The following LRBA variants were observed in gnomAD, a reference collection of about 807,000 sequenced individuals.
LRBA encodes lipopolysaccharide-responsive and beige-like anchor protein.
A neutral mutation model predicts 330.0 loss-of-function variants in LRBA; 176 were observed. The observed-to-expected ratio is 0.53, with a 90% CI of 0.47 to 0.60. The LOEUF is 0.60. LRBA is among the 20% of genes least tolerant of loss of function. LRBA has a pLI of 0.00. For synonymous variants in LRBA, 1,230 were observed against 1,193.0 expected (o/e 1.03, Z -0.64); for missense variants, 3,259 against 3,444.8 (o/e 0.95, Z 1.35).
intron 35 of LRBA, among the ~76,000 whole-genome samples, chr4:150,752,246 A>C (rs10016890): frequency 0.37 from 55,969 of 151,878 alleles, 11,750 homozygotes; most frequent in Middle Eastern, 0.47. Context: ...TTATTGCCTA[A>C]CTCTCCATGT....
chr4:151,014,574 T>C lies in LRBA; in HGVS notation c.69A>G (p.Arg23=), dbSNP rs1579509027. ...CACCCCCTTCAGTAGGGGTTTCTTCTCTCCCTCCACCTCCCCCGTCATCAC... is the reference window on the plus strand; with the variant it reads ...CACCCCCTTCAGTAGGGGTTTCTTCCCTCCCTCCACCTCCCCCGTCATCAC... The part of the protein sequence containing the change: ...PTGDDGGGGG[R]EETPTEGGAL... Residue 23 remains arginine (R), a synonymous_variant, in exon 2 of 57, where the codon AGA becomes AGG. Coordinates refer to ENST00000651943, the MANE Select transcript of LRBA (RefSeq NM_001364905.1). 1 of 1,612,816 alleles carries C rather than the reference T, an allele frequency of 6.2e-7. No homozygotes were observed. The highest frequency in any genetic ancestry group is 1.1e-5 in the South Asian group (1 of 90,766).
intron 42 of LRBA, among the ~76,000 whole-genome samples, chr4:150,476,396 G>C (rs1756705942): frequency 6.6e-6 from 1 of 152,146 alleles, no homozygotes; most frequent in African/African-American, 2.4e-5. Context: ...ACATGGCAGA[G>C]ACATGGCAGA....
At chr4:150,965,820 A>G (rs1738818877) in intron 2 of LRBA, among the ~76,000 whole-genome samples, 1 of 151,932 alleles carries the variant, frequency 6.6e-6, no homozygotes. Context: ...TTGATGTTAC[A>G]GGTGTGAGCC....
chr4:150,503,901 C>A (rs1188714027), intron 40 of LRBA, among the ~76,000 whole-genome samples: 1 of 152,080 alleles, frequency 6.6e-6, no homozygotes, highest in Admixed American at 6.6e-5. Flanking sequence ...CCTTAAAGGA[C>A]CTGATGGAGC....
At chr4:151,005,747 G>A (rs2089269218) in intron 2 of LRBA, among the ~76,000 whole-genome samples, 1 of 151,662 alleles carries the variant, frequency 6.6e-6, no homozygotes, top group Non-Finnish European at 1.5e-5. Context: ...TGGGACTACA[G>A]GTGCCCGCCA....
intron 56 of LRBA, among the ~76,000 whole-genome samples, chr4:150,275,535 G>T (rs62344510): frequency 0.62 from 94,134 of 151,992 alleles, 29,868 homozygotes; most frequent in South Asian, 0.82. Flanking sequence ...GAAAACCCCA[G>T]CATCTCAGCC....
At chr4:150,283,236 C>T (rs1747765005) in intron 54 of LRBA, among the ~76,000 whole-genome samples, 1 of 151,664 alleles carries the variant, frequency 6.6e-6, no homozygotes, top group African/African-American at 2.4e-5. Flanking sequence ...GGCCACTTCT[C>T]CTTGGCAACT....
At chr4:150,991,025 C>T (rs1742011786) in intron 2 of LRBA, among the ~76,000 whole-genome samples, 1 of 146,832 alleles carries the variant, frequency 6.8e-6, no homozygotes, top group Non-Finnish European at 1.5e-5. Context: ...AGCATTCCAA[C>T]CTGAGTGACA....
chr4:150,401,091 A>G (rs1745396144), intron 47 of LRBA, among the ~76,000 whole-genome samples: 1 of 152,238 alleles, frequency 6.6e-6, no homozygotes, highest in Non-Finnish European at 1.5e-5. Context: ...ACACAGAGAC[A>G]GATATGCACA....
Position 150,265,850 on chromosome 4 carries a change from G to C in LRBA, c.8469-38C>G, listed in dbSNP as rs374830097. 5.1e-5 allele frequency: 65 copies of C among 1,287,036 alleles called. 1 individual carries two copies. In the African/African-American group the frequency reaches 8.5e-4, roughly 17 times the overall value. The allele number at this position is 1,287,036 out of a possible 1,614,324, so 79.7% of individuals were successfully genotyped here. On this transcript the variant is annotated intron_variant, in intron 56 of 56. Transcript: ENST00000651943. The stretch of plus-strand genomic sequence containing the variant: ...CAGAGAGAAGGACTTTTACAAACCT[G>C]TGTGTCCTAGAGATGTTACTAAAAA...
At chr4:150,454,971 TA>T (rs1259790467) in intron 44 of LRBA, among the ~76,000 whole-genome samples, 68 of 125,950 alleles carry the variant, frequency 5.4e-4, no homozygotes, top group South Asian at 4.1e-3. Flanking sequence ...AGTTTTATTT[TA>T]TTTTTTATTT....
intron 2 of LRBA, among the ~76,000 whole-genome samples, chr4:151,003,654 G>A (rs1192261736): frequency 6.6e-6 from 1 of 151,698 alleles, no homozygotes; most frequent in Admixed American, 6.6e-5. Context: ...TTAGCCAGCT[G>A]TGATGGCATG....
At chr4:150,289,521 AC>A (rs1161017096) in intron 53 of LRBA, among the ~76,000 whole-genome samples, 3 of 152,180 alleles carry the variant, frequency 2.0e-5, no homozygotes, top group Non-Finnish European at 4.4e-5. Flanking sequence ...TTCTCAGGTA[AC>A]CAGTTTTACA....
In LRBA at chr4:150,908,669, G is replaced by T; in HGVS notation, c.1350C>A (p.Leu450=). Residue 450 remains leucine (L), a synonymous_variant, in exon 10 of 57, where the codon CTC becomes CTA. Coordinates refer to ENST00000651943, the MANE Select transcript of LRBA (RefSeq NM_001364905.1). ...PSIFVHSPHA[L]MLQDVKAVLT... is the part of the protein sequence containing the mutation. ...AGATCACAGTTAGTACCTGGAGCATGAGTGCATGTGGTGAATGAACAAAAA... is the reference window on the plus strand; with the variant it reads ...AGATCACAGTTAGTACCTGGAGCATTAGTGCATGTGGTGAATGAACAAAAA... 1.2e-6 allele frequency: 2 copies of T among 1,612,216 alleles called. No homozygotes were observed. The highest frequency in any genetic ancestry group is 1.1e-5 in the South Asian group (1 of 90,744).
At chr4:150,425,234 TCAGAA>T (rs1387343222) in intron 46 of LRBA, among the ~76,000 whole-genome samples, 4 of 152,268 alleles carry the variant, frequency 2.6e-5, no homozygotes, top group Non-Finnish European at 4.4e-5. Context: ...TTTATATTCA[TCAGAA>T]CAGAACAGTC....
chr4:150,872,652 G>C lies in LRBA; in HGVS notation c.2258+11C>G. 6.4e-7 allele frequency: 1 copy of C among 1,562,376 alleles called. No individual in the cohort carries two copies. The highest frequency in any genetic ancestry group is 1.1e-5 in the South Asian group (1 of 89,378). On this transcript the variant is annotated intron_variant, in intron 18 of 56. Transcript: ENST00000651943. ...AATACAACAGTCCATCTTAGATTTC[G>C]GCATACTTACTTTGGGGCCAGATGT...
At chr4:150,494,178 C>T (rs943766891) in intron 40 of LRBA, among the ~76,000 whole-genome samples, 7 of 152,156 alleles carry the variant, frequency 4.6e-5, no homozygotes, top group African/African-American at 1.7e-4. Context: ...GGCCTATACC[C>T]AGGTTTTCTA....
chr4:150,828,540 T>A lies in LRBA; in HGVS notation c.4811A>T (p.Asp1604Val), dbSNP rs762667086. 6 of 1,614,038 alleles carry A rather than the reference T, an allele frequency of 3.7e-6. No homozygotes were observed. The highest frequency in any genetic ancestry group is 5.1e-6 in the Non-Finnish European group (6 of 1,179,990). ...SESTSSARRR[D>V]SGIGEETATG... is the part of the protein sequence containing the mutation. The stretch of plus-strand genomic sequence containing the variant: ...GGCTGTTTCTTCCCCAATGCCTGAG[T>A]CCCTCCTTCGAGCAGATGATGTGCT... Residue 1604 changes from aspartate to valine, a missense_variant, in exon 30 of 57, where the codon GAC becomes GTC. Transcript: ENST00000651943.
intron 31 of LRBA, among the ~76,000 whole-genome samples, chr4:150,815,306 T>G (rs1560858041): frequency 2.0e-5 from 3 of 150,714 alleles, no homozygotes; most frequent in Non-Finnish European, 4.4e-5. Context: ...AGCGGAAATG[T>G]GCATACCCAG....
Sources: allele counts gnomAD v4.1 joint callset (sites outside exome capture counted in the v4.1 genomes callset), GRCh38; gene constraint gnomAD v4.1.1; transcripts MANE v1.5; gene names NCBI Gene and HGNC (gene_info 2026-07-23, HGNC 2026-07-21).